Variants in EPM2A observed in about 807,000 individuals in gnomAD.
The protein encoded by EPM2A is EPM2A glucan phosphatase, laforin.
In EPM2A, 21 loss-of-function variants were observed where a neutral mutation model predicts 26.5. That is an observed-to-expected ratio of 0.79 (90% CI 0.56 to 1.14). EPM2A has a LOEUF of 1.14. Among genes scored for constraint, EPM2A ranks in the 50% most tolerant of loss-of-function variants. The probability of loss-of-function intolerance (pLI) is 0.00; values close to 1 mark genes in which losing one functional copy is unlikely to be tolerated. For synonymous variants in EPM2A, 217 were observed against 177.6 expected (o/e 1.22, Z -1.76); for missense variants, 458 against 440.8 (o/e 1.04, Z -0.35).
At chr6:145,496,744 T>TTTTTTTTTTTTTTTTTTTG (rs1779826292), downstream of EPM2A, among the ~76,000 whole-genome samples, 1 of 133,676 alleles carries the variant, frequency 7.5e-6, no homozygotes, top group Non-Finnish European at 1.7e-5. Flanking sequence ...TTTTTTTTTT[T>TTTTTTTTTTTTTTTTTTTG]TTTTGAGACG....
chr6:145,472,145 C>T (rs1468251556), intron 4 of EPM2A, among the ~76,000 whole-genome samples: 1 of 151,622 alleles, frequency 6.6e-6, no homozygotes, highest in African/African-American at 2.4e-5. Flanking sequence ...GATGACATTT[C>T]TAGACATACC....
At chr6:145,412,970 C>A (rs1778662990) in intron 4 of EPM2A, among the ~76,000 whole-genome samples, 1 of 152,124 alleles carries the variant, frequency 6.6e-6, no homozygotes, top group African/African-American at 2.4e-5. Flanking sequence ...CCCTTACTAC[C>A]AGCTCAGAAG....
intron 2 of EPM2A, among the ~76,000 whole-genome samples, chr6:145,575,440 C>T (rs556640770): frequency 3.5e-4 from 53 of 152,240 alleles, no homozygotes; most frequent in Admixed American, 2.7e-3. Flanking sequence ...TCTGTTTTTC[C>T]GCAATTTCAG....
rs1195455331 is a variant in EPM2A, at chr6:145,434,358, G to A, written c.556-50261C>T. On this transcript the variant is annotated intron_variant, in intron 4 of 4. Coordinates refer to the EPM2A transcript ENST00000638717. ...TGACTGCTGCAGCTTCAACCTCCTG[G>A]GCTCAGGTGATCCCCCTACCTTAGC... Among the ~76,000 whole-genome samples the A allele has an allele frequency of 5.3e-5, 8 of 150,954 alleles. No homozygotes were observed. In the East Asian group the frequency reaches 1.6e-3, roughly 29 times the overall value.
At chr6:145,699,353 T>C (rs1422505519) in intron 1 of EPM2A, among the ~76,000 whole-genome samples, 1 of 152,214 alleles carries the variant, frequency 6.6e-6, no homozygotes, top group Non-Finnish European at 1.5e-5. Flanking sequence ...ACTTTCCATG[T>C]ATGATGACTG....
chr6:145,440,971 A>C (rs1305779214), intron 4 of EPM2A, among the ~76,000 whole-genome samples: 1 of 152,168 alleles, frequency 6.6e-6, no homozygotes, highest in Non-Finnish European at 1.5e-5. Context: ...TCACAGCTCC[A>C]CTAGGTGGTG....
chr6:145,391,114 C>T (rs1293284985), intron 4 of EPM2A, among the ~76,000 whole-genome samples: 2 of 152,148 alleles, frequency 1.3e-5, no homozygotes, highest in African/African-American at 4.8e-5. Context: ...CCCAGAGAAA[C>T]CTTAAAAACT....
At chr6:145,549,751 G>A (rs1171753439) in intron 2 of EPM2A, among the ~76,000 whole-genome samples, 1 of 152,072 alleles carries the variant, frequency 6.6e-6, no homozygotes, top group African/African-American at 2.4e-5. Context: ...CCCTAGCACA[G>A]ACTTATGGTC....
rs182612645 is a variant in EPM2A at position 145,517,478 on chromosome 6, G to A, written c.341-14903C>T. On this transcript the variant is annotated intron_variant, in intron 2 of 3. Transcript: ENST00000450221. ...GGGGGCTTCCCAAAGAGCATCACACGTTATTATAAACAGAGTTGCTCAGAT... is the reference window on the plus strand; with the variant it reads ...GGGGGCTTCCCAAAGAGCATCACACATTATTATAAACAGAGTTGCTCAGAT... Among the ~76,000 whole-genome samples the A allele has an allele frequency of 3.9e-3, 593 of 152,220 alleles. 3 individuals carry two copies. The highest frequency in any genetic ancestry group is 6.8e-3 in the Middle Eastern group (2 of 294).
chr6:145,716,758 T>C (rs1425085735), intron 1 of EPM2A, among the ~76,000 whole-genome samples: 1 of 152,034 alleles, frequency 6.6e-6, no homozygotes, highest in Non-Finnish European at 1.5e-5. Flanking sequence ...TCTGAAACCC[T>C]CCAACTTTGG....
At chr6:145,730,094 G>A (rs1349867736) in intron 1 of EPM2A, among the ~76,000 whole-genome samples, 2 of 151,974 alleles carry the variant, frequency 1.3e-5, no homozygotes, top group South Asian at 2.1e-4. Context: ...ATATTTGTTC[G>A]TTTCCTGAGG....
At chr6:145,612,895 G>T (rs1401695061) in intron 2 of EPM2A, among the ~76,000 whole-genome samples, 2 of 152,004 alleles carry the variant, frequency 1.3e-5, no homozygotes, top group Admixed American at 6.6e-5. Context: ...GATCAGGGTG[G>T]CAGCTGCTGA....
intron 4 of EPM2A, chr6:145,491,769 C>G: frequency 1.9e-6 from 1 of 532,650 alleles, no homozygotes. Flanking sequence ...TTGTACAACT[C>G]TGCTGCTTTC....
downstream of EPM2A, among the ~76,000 whole-genome samples, chr6:145,497,197 G>C (rs1421697294): frequency 6.6e-6 from 1 of 152,132 alleles, no homozygotes; most frequent in African/African-American, 2.4e-5. Context: ...GCATATTTGT[G>C]GGCTTATCTA....
intron 2 of EPM2A, among the ~76,000 whole-genome samples, chr6:145,569,266 A>G (rs1018425100): frequency 2.0e-5 from 3 of 152,222 alleles, no homozygotes; most frequent in African/African-American, 7.2e-5. Flanking sequence ...CACTGGTACT[A>G]CCATCATTAC....
At chr6:145,585,204 G>A (rs1180283672) in intron 2 of EPM2A, among the ~76,000 whole-genome samples, 1 of 152,104 alleles carries the variant, frequency 6.6e-6, no homozygotes, top group Non-Finnish European at 1.5e-5. Context: ...TGAGTATGAT[G>A]TATCTTGGTA....
At chr6:145,425,213 G>A (rs930490806) in intron 4 of EPM2A, among the ~76,000 whole-genome samples, 32 of 146,492 alleles carry the variant, frequency 2.2e-4, no homozygotes, top group Middle Eastern at 3.6e-3. Flanking sequence ...TTGCTCTGCC[G>A]CCCAGGCTGG....
intron 2 of EPM2A, among the ~76,000 whole-genome samples, chr6:145,683,308 A>T (rs702315): frequency 0.55 from 74,216 of 135,182 alleles, 19,260 homozygotes; most frequent in East Asian, 0.69. Flanking sequence ...TGTGTGTGTG[A>T]GTGTGTATAT....
intron 4 of EPM2A, among the ~76,000 whole-genome samples, chr6:145,485,858 A>C (rs990297521): frequency 4.6e-5 from 7 of 152,218 alleles, no homozygotes; most frequent in African/African-American, 1.4e-4. Context: ...ACAAGACAGA[A>C]TGAGAACCAA....
Sources: allele counts gnomAD v4.1 joint callset (sites outside exome capture counted in the v4.1 genomes callset), GRCh38; gene constraint gnomAD v4.1.1; transcripts MANE v1.5; gene names NCBI Gene and HGNC (gene_info 2026-07-23, HGNC 2026-07-21).